Variants in PLA2R1 observed in about 807,000 individuals in gnomAD.
PLA2R1 encodes secretory phospholipase A2 receptor.
PLA2R1 carries 158 observed loss-of-function variants against 195.9 expected under a neutral mutation model. The ratio of observed to expected loss-of-function variants is 0.81; its 90% CI spans 0.71 to 0.92. The LOEUF (loss-of-function observed/expected upper bound fraction) is 0.92. Among genes scored for constraint, PLA2R1 ranks in the 40% least tolerant of loss-of-function variants. The pLI is 0.00. For missense variants in PLA2R1, 1,626 were observed against 1,764.6 expected, an observed-to-expected ratio of 0.92 and a Z score of 1.41; for synonymous variants, 586 against 598.2, an observed-to-expected ratio of 0.98 and a Z score of 0.30.
chr2:160,042,272 A>G (rs3792194), intron 2 of PLA2R1, 74 bp from the exon 3 acceptor site: 157,561 of 1,345,160 alleles, frequency 0.12, 9,952 homozygotes, highest in East Asian at 0.22. Flanking sequence ...ATATATCGAA[A>G]GCATTTTTTA....
chr2:159,977,204 G>C, intron 15 of PLA2R1, 80 bp downstream of exon 15: 1 of 1,025,928 alleles, frequency 9.7e-7, no homozygotes, highest in African/African-American at 1.6e-5. Context: ...TGATATTGTG[G>C]TTTGGGGTGT....
At chr2:160,027,996 C>A (rs1473966229) in intron 6 of PLA2R1, among the ~76,000 whole-genome samples, 1 of 152,114 alleles carries the variant, frequency 6.6e-6, no homozygotes, top group Non-Finnish European at 1.5e-5. Flanking sequence ...GTTTGCTATG[C>A]TCAGATTATT....
rs746227405 is a variant in PLA2R1 at position 159,967,715 on chromosome 2, A to C, written c.2765-37T>G. The C allele has an allele frequency of 1.9e-6, 3 of 1,589,678 alleles. No individual in the cohort carries two copies. In the Admixed American group the frequency reaches 5.3e-5, roughly 28 times the overall value. Reference sequence around the variant, plus strand: ...AATGGGTTAGAAATGGCTTAGGAACAATGGCGATTCTTTGAAGGCATTCTC... The same window carrying C: ...AATGGGTTAGAAATGGCTTAGGAACCATGGCGATTCTTTGAAGGCATTCTC... On this transcript the variant is annotated intron_variant, in intron 19 of 29. Coordinates refer to ENST00000283243, the MANE Select transcript of PLA2R1 (RefSeq NM_007366.5).
intron 17 of PLA2R1, among the ~76,000 whole-genome samples, chr2:159,974,197 C>T (rs919810382): frequency 5.9e-5 from 9 of 152,146 alleles, no homozygotes; most frequent in Non-Finnish European, 1.0e-4. Flanking sequence ...GTAATGAAGA[C>T]GTTGTGCTCT....
chr2:159,964,031 C>A (rs1167781832), intron 20 of PLA2R1, among the ~76,000 whole-genome samples: 1 of 152,154 alleles, frequency 6.6e-6, no homozygotes, highest in East Asian at 1.9e-4. Flanking sequence ...CACACACACA[C>A]ACACGCCCGT....
In PLA2R1 at chr2:159,947,522, T is replaced by C; in HGVS notation, c.3747A>G (p.Glu1249=). The change falls in exon 26 of 30, where the codon GAA becomes GAG. Residue 1249 remains glutamate (E), a synonymous_variant. Transcript: ENST00000283243. ...RQSEHPELCS[E]TSIPWIKFKS... ...TAAATTTTATCCAGGGAATAGATGT[T>C]TCTGAGCACAACTCTGGGTGTTCAG... The C allele has an allele frequency of 6.2e-7, 1 of 1,613,454 alleles. No homozygotes were observed.
chr2:159,964,069 A>G (rs142923113), intron 20 of PLA2R1, among the ~76,000 whole-genome samples: 1 of 152,330 alleles, frequency 6.6e-6, no homozygotes, highest in East Asian at 1.9e-4. Context: ...TTCAGCCACA[A>G]GAAGGAAGGC....
At chr2:160,002,607 A>G (rs912528456) in intron 11 of PLA2R1, among the ~76,000 whole-genome samples, 4 of 152,040 alleles carry the variant, frequency 2.6e-5, no homozygotes, top group African/African-American at 9.6e-5. Context: ...AGCACCTAGG[A>G]GCTTTTTAAA....
the PLA2R1 span, among the ~76,000 whole-genome samples, chr2:159,926,089 C>T: frequency 6.6e-6 from 1 of 152,156 alleles, no homozygotes; most frequent in Non-Finnish European, 1.5e-5. Flanking sequence ...CTTTTAATGT[C>T]CTGCTGACAC....
At chr2:159,970,052 G>A in intron 18 of PLA2R1, 96 bp downstream of exon 18, 1 of 753,636 alleles carries the variant, frequency 1.3e-6, no homozygotes, top group Non-Finnish European at 2.3e-6. Context: ...AATGTTTGAA[G>A]GGTATTCAAC....
At chr2:160,016,263 CAAA>C (rs11396932) in intron 9 of PLA2R1, among the ~76,000 whole-genome samples, 3 of 103,150 alleles carry the variant, frequency 2.9e-5, no homozygotes, top group Admixed American at 2.0e-4. Flanking sequence ...GACTCTGTCT[CAAA>C]AAAAAAAAAA....
chr2:159,952,986 C>CACT (rs1560140618), intron 23 of PLA2R1, among the ~76,000 whole-genome samples: 45 of 152,244 alleles, frequency 3.0e-4, no homozygotes, highest in African/African-American at 1.1e-3. Flanking sequence ...GCCCAGCCTA[C>CACT]GTGCCCAGTG....
chr2:159,954,244 G>A lies in PLA2R1; in HGVS notation c.3301+955C>T, dbSNP rs1212759638. 2.6e-5 allele frequency among the ~76,000 whole-genome samples: 4 copies of A among 152,126 alleles called. No homozygotes were observed. The East Asian group carries it at 7.7e-4, about 29-fold the overall frequency. ...TGTGGCATACCGCGCATACACTCAA[G>A]GCACAGGGTCAGGTACTCATAAGTG... On this transcript the variant is annotated intron_variant, in intron 23 of 29. Transcript: ENST00000283243.
intron 11 of PLA2R1, among the ~76,000 whole-genome samples, chr2:159,989,243 G>C (rs986184049): frequency 6.6e-6 from 1 of 152,172 alleles, no homozygotes; most frequent in African/African-American, 2.4e-5. Flanking sequence ...GCCATTAATG[G>C]AGCTTTGCAG....
chr2:160,013,100 T>C (rs1300824702), intron 10 of PLA2R1, among the ~76,000 whole-genome samples, 163 bp downstream of exon 10: 1 of 152,194 alleles, frequency 6.6e-6, no homozygotes, highest in Non-Finnish European at 1.5e-5. Context: ...TGGAATAACA[T>C]AGTATAATTT....
At chr2:160,011,857 T>C (rs552676137) in intron 10 of PLA2R1, among the ~76,000 whole-genome samples, 2 of 152,240 alleles carry the variant, frequency 1.3e-5, no homozygotes, top group African/African-American at 4.8e-5. Flanking sequence ...ACATCAAAGG[T>C]AGTGCTATAT....
intron 1 of PLA2R1, among the ~76,000 whole-genome samples, chr2:160,054,581 G>T (rs1695418323): frequency 6.6e-6 from 1 of 152,126 alleles, no homozygotes; most frequent in Non-Finnish European, 1.5e-5. Flanking sequence ...TGTCTAAAAA[G>T]TATCATAAAT....
chr2:159,991,129 G>T (rs1026329803), intron 11 of PLA2R1, among the ~76,000 whole-genome samples: 1 of 152,174 alleles, frequency 6.6e-6, no homozygotes, highest in Non-Finnish European at 1.5e-5. Flanking sequence ...TTGAATAAAT[G>T]AATGAATGAG....
intron 11 of PLA2R1, among the ~76,000 whole-genome samples, chr2:159,996,146 G>T (rs1020072566): frequency 4.6e-5 from 7 of 151,850 alleles, no homozygotes; most frequent in Non-Finnish European, 1.0e-4. Context: ...TCTTTATATA[G>T]ATCTGAGCTT....
Sources: allele counts gnomAD v4.1 joint callset (sites outside exome capture counted in the v4.1 genomes callset), GRCh38; gene constraint gnomAD v4.1.1; transcripts MANE v1.5; gene names NCBI Gene and HGNC (gene_info 2026-07-23, HGNC 2026-07-21).